Variants in SPAG9 observed in about 807,000 individuals in gnomAD.
SPAG9 encodes sperm associated antigen 9, also known as C-Jun-amino-terminal kinase-interacting protein 4.
A neutral mutation model predicts 166.5 loss-of-function variants in SPAG9; 35 were observed. The observed-to-expected ratio is 0.21, with a 90% CI of 0.16 to 0.28. SPAG9 has a LOEUF of 0.28. Among genes scored for constraint, SPAG9 ranks in the 10% least tolerant of loss-of-function variants. The pLI is 1.00. For synonymous variants in SPAG9, 534 were observed against 565.5 expected (o/e 0.94, Z 0.79); for missense variants, 1,235 against 1,603.3 (o/e 0.77, Z 3.92).
At chr17:51,047,353 CA>C in intron 4 of SPAG9, 21 bp downstream of exon 4, 1 of 1,326,528 alleles carries the variant, frequency 7.5e-7, no homozygotes, top group Non-Finnish European at 1.1e-6. Context: ...TTTCTCAAGG[CA>C]AAATATATAA....
chr17:51,066,478 C>T (rs951655964), intron 2 of SPAG9, among the ~76,000 whole-genome samples: 8 of 147,812 alleles, frequency 5.4e-5, no homozygotes, highest in Non-Finnish European at 1.0e-4. Context: ...TTGCTTGAAC[C>T]CAGGAGACAG....
At chr17:51,078,580 T>A (rs942847947) in intron 2 of SPAG9, among the ~76,000 whole-genome samples, 1 of 151,832 alleles carries the variant, frequency 6.6e-6, no homozygotes, top group Non-Finnish European at 1.5e-5. Flanking sequence ...CCTACCTATA[T>A]CAGACATGAA....
chr17:51,104,826 G>A (rs1422850229), intron 1 of SPAG9, among the ~76,000 whole-genome samples: 7 of 151,268 alleles, frequency 4.6e-5, no homozygotes, highest in African/African-American at 1.5e-4. Flanking sequence ...CCAGCTACTC[G>A]GGAGGCTGAG....
chr17:51,013,626 A>C (rs1452724042), intron 9 of SPAG9, among the ~76,000 whole-genome samples: 6 of 152,188 alleles, frequency 3.9e-5, no homozygotes, highest in African/African-American at 4.8e-5. Flanking sequence ...CACACAAAGA[A>C]ATTAAGGTCC....
At position 51,057,290 on chromosome 17, in the gene SPAG9, C is replaced by T. The variant is rs573483228; in HGVS notation, c.425-808G>A. On this transcript the variant is annotated intron_variant, in intron 2 of 29. Transcript: ENST00000262013. ...CCAGACTGGAGGAGCCCATACTTGG[C>T]TAAGGAGCAGTGGGAGACAGTCTGG... 6.2e-4 allele frequency among the ~76,000 whole-genome samples: 95 copies of T among 152,214 alleles called. 2 individuals carry two copies. The Middle Eastern group carries it at 0.017, about 27-fold the overall frequency.
At chr17:50,996,258 A>T (rs1235482407) in intron 16 of SPAG9, 3 of 240,524 alleles carry the variant, frequency 1.2e-5, no homozygotes, top group African/African-American at 6.7e-5. Flanking sequence ...GGTTTTTTAA[A>T]AAATGAAATC....
chr17:51,068,137 C>T (rs561958061), intron 2 of SPAG9, among the ~76,000 whole-genome samples: 1 of 152,280 alleles, frequency 6.6e-6, no homozygotes, highest in Non-Finnish European at 1.5e-5. Flanking sequence ...TGTTGCTGGG[C>T]CTCAGAAGAT....
Position 51,120,720 on chromosome 17 carries a change from C to G in SPAG9, c.-64G>C, listed in dbSNP as rs1280735905. On this transcript the variant is annotated 5_prime_UTR_variant, in exon 1 of 30. Coordinates refer to ENST00000262013, the MANE Select transcript of SPAG9 (RefSeq NM_001130528.3). The surrounding 1 kb of genome is among the most constrained non-coding windows in gnomAD (Gnocchi z 4.7). ...GGCAGAGGGGCGGCACCTGCCCGCA[C>G]GGGACGGACCCGACTCGGGCTGGGA... 1 of 1,407,988 alleles carries G rather than the reference C, an allele frequency of 7.1e-7. No homozygotes were observed. Among genetic ancestry groups the G allele is most frequent in the Non-Finnish European group, 9.5e-7 (1 of 1,047,916 alleles). The allele number at this position is 1,407,988 out of a possible 1,614,324, so 87.2% of individuals were successfully genotyped here.
intron 3 of SPAG9, among the ~76,000 whole-genome samples, chr17:51,055,096 C>A (rs1449001817): frequency 6.6e-6 from 1 of 152,054 alleles, no homozygotes; most frequent in Non-Finnish European, 1.5e-5. Flanking sequence ...ACGTGTAATG[C>A]CAGCACTTTG....
At chr17:51,103,385 C>T (rs1271888030) in intron 1 of SPAG9, among the ~76,000 whole-genome samples, 1 of 152,052 alleles carries the variant, frequency 6.6e-6, no homozygotes, top group African/African-American at 2.4e-5. Context: ...AAACCACAGT[C>T]GGGTGTTAAG....
chr17:51,014,398 C>T (rs925454597), intron 8 of SPAG9, 45 bp from the exon 9 acceptor site: 7 of 1,565,030 alleles, frequency 4.5e-6, no homozygotes, highest in Non-Finnish European at 5.2e-6. Context: ...ATGACAAAGA[C>T]TTTTTTGACG....
intron 1 of SPAG9, among the ~76,000 whole-genome samples, chr17:51,095,939 ATATAGT>A (rs1339662683): frequency 2.5e-5 from 3 of 120,784 alleles, no homozygotes; most frequent in East Asian, 2.1e-4. Context: ...ATATATAGTG[ATATAGT>A]TATATATATA....
intron 29 of SPAG9, among the ~76,000 whole-genome samples, chr17:50,970,487 TG>T (rs1238966924): frequency 7.3e-6 from 1 of 136,324 alleles, no homozygotes; most frequent in African/African-American, 2.8e-5. Flanking sequence ...CACTCCAGCC[TG>T]GGTGACAGAG....
At chr17:50,970,176 C>T (rs1285533394) in intron 29 of SPAG9, among the ~76,000 whole-genome samples, 1 of 152,148 alleles carries the variant, frequency 6.6e-6, no homozygotes, top group East Asian at 1.9e-4. Flanking sequence ...TTGACCACAT[C>T]CTGCTATTTC....
chr17:51,038,670 C>T (rs2046714435), intron 5 of SPAG9, among the ~76,000 whole-genome samples: 2 of 152,236 alleles, frequency 1.3e-5, no homozygotes, highest in South Asian at 2.1e-4. Context: ...TCTTCCTCAA[C>T]ACGTACTCCT....
intron 15 of SPAG9, among the ~76,000 whole-genome samples, chr17:50,998,016 GAA>G (rs2044752624): frequency 8.2e-6 from 1 of 121,396 alleles, no homozygotes; most frequent in Admixed American, 8.7e-5. Context: ...CCAAGTTACA[GAA>G]ATGATTTTTT....
chr17:51,026,184 A>G (rs554973963), intron 6 of SPAG9, among the ~76,000 whole-genome samples: 1 of 152,260 alleles, frequency 6.6e-6, no homozygotes, highest in African/African-American at 2.4e-5. Context: ...TCACCTCAGA[A>G]AAAATTGTAT....
chr17:50,997,517 T>A lies in SPAG9; in HGVS notation c.1839-823A>T, dbSNP rs138438538. On this transcript the variant is annotated intron_variant, in intron 15 of 29. Coordinates refer to ENST00000262013, the MANE Select transcript of SPAG9 (RefSeq NM_001130528.3). Reference sequence around the variant, plus strand: ...AAATGCAAACTGATTTGGTAAACTTTGGAGTTATAAGGTAAAATATTATTA... The same window carrying A: ...AAATGCAAACTGATTTGGTAAACTTAGGAGTTATAAGGTAAAATATTATTA... 9.0e-4 allele frequency among the ~76,000 whole-genome samples: 137 copies of A among 152,336 alleles called. 1 individual carries two copies. Among genetic ancestry groups the A allele is most frequent in the Middle Eastern group, 3.4e-3 (1 of 294 alleles).
In SPAG9 at chr17:51,103,210, T is replaced by C. The variant is rs922950049; in HGVS notation, c.303+17144A>G. ...ACTTTAAATGGTTAGTCTTAGCAAT[T>C]TGACCTTTAGCATATCCATCCATCC... On this transcript the variant is annotated intron_variant, in intron 1 of 29. Coordinates refer to ENST00000262013, the MANE Select transcript of SPAG9 (RefSeq NM_001130528.3). Among the ~76,000 whole-genome samples, 24 of 152,262 alleles carry C rather than the reference T, an allele frequency of 1.6e-4. No homozygotes were observed. In the East Asian group the frequency reaches 4.4e-3, roughly 28 times the overall value.
Sources: allele counts gnomAD v4.1 joint callset (sites outside exome capture counted in the v4.1 genomes callset), GRCh38; gene constraint gnomAD v4.1.1; non-coding constraint Gnocchi (gnomAD v3.1); transcripts MANE v1.5; gene names NCBI Gene and HGNC (gene_info 2026-07-23, HGNC 2026-07-21).